The following KCNQ5 variants were observed in gnomAD, a reference collection of about 807,000 sequenced individuals.
KCNQ5 encodes potassium voltage-gated channel subfamily KQT member 5.
In KCNQ5, 30 loss-of-function variants were observed where a neutral mutation model predicts 98.2. The ratio of observed to expected loss-of-function variants is 0.31; its 90% CI spans 0.23 to 0.41. The LOEUF (loss-of-function observed/expected upper bound fraction) is 0.41. Among genes scored for constraint, KCNQ5 ranks in the 10% least tolerant of loss-of-function variants. The pLI, the probability that KCNQ5 is intolerant of heterozygous loss-of-function variation, is 1.00. For synonymous variants in KCNQ5, 458 were observed against 449.4 expected (o/e 1.02, Z -0.24); for missense variants, 835 against 1,182.5 (o/e 0.71, Z 4.31).
intron 1 of KCNQ5, among the ~76,000 whole-genome samples, chr6:72,786,519 T>C (rs961929640): frequency 6.6e-6 from 1 of 152,182 alleles, no homozygotes; most frequent in African/African-American, 2.4e-5. Context: ...AGCAGTCTCA[T>C]TGAGGAAAGG....
At chr6:72,824,548 G>A (rs553636757) in intron 1 of KCNQ5, among the ~76,000 whole-genome samples, 19 of 152,120 alleles carry the variant, frequency 1.2e-4, no homozygotes, top group Admixed American at 1.0e-3. Context: ...CTTTCAATTT[G>A]CACATGTACT....
At chr6:73,173,304 G>T (rs1778080606) in intron 11 of KCNQ5, among the ~76,000 whole-genome samples, 2 of 152,086 alleles carry the variant, frequency 1.3e-5, no homozygotes, top group Admixed American at 6.5e-5. Flanking sequence ...TAGTGATTCA[G>T]TTCAAACAAT....
At chr6:73,157,300 T>A (rs766764114) in intron 10 of KCNQ5, among the ~76,000 whole-genome samples, 1 of 151,900 alleles carries the variant, frequency 6.6e-6, no homozygotes, top group Non-Finnish European at 1.5e-5. Context: ...TGGGAGGCGT[T>A]GGAGAAAGGC....
At chr6:72,639,213 A>G (rs564957185) in intron 1 of KCNQ5, among the ~76,000 whole-genome samples, 3 of 152,352 alleles carry the variant, frequency 2.0e-5, no homozygotes, top group African/African-American at 7.2e-5. Context: ...CAAAAGGGAC[A>G]AAGAAGAGAA....
At chr6:72,848,036 G>T (rs978915185) in intron 1 of KCNQ5, among the ~76,000 whole-genome samples, 1 of 151,676 alleles carries the variant, frequency 6.6e-6, no homozygotes, top group African/African-American at 2.4e-5. Flanking sequence ...AACTCCCAAT[G>T]AAAAGCATCC....
intron 3 of KCNQ5, among the ~76,000 whole-genome samples, chr6:73,070,581 C>CA (rs1773258071): frequency 1.3e-5 from 2 of 152,278 alleles, no homozygotes; most frequent in South Asian, 4.1e-4. Context: ...CTGTTCCATG[C>CA]AGTTATTCAG....
intron 1 of KCNQ5, among the ~76,000 whole-genome samples, chr6:72,917,717 T>A (rs1780214597): frequency 2.0e-5 from 3 of 151,990 alleles, no homozygotes; most frequent in African/African-American, 7.2e-5. Flanking sequence ...GTGATCCGCC[T>A]GCCTCAGCCT....
At chr6:72,895,114 TA>T (rs71540357) in intron 1 of KCNQ5, among the ~76,000 whole-genome samples, 46,997 of 89,188 alleles carry the variant, frequency 0.53, 11,177 homozygotes, top group East Asian at 0.73. Flanking sequence ...CCATCTCTAC[TA>T]AAAAAAAAAA....
chr6:72,984,406 C>A (rs1009300109), intron 1 of KCNQ5, among the ~76,000 whole-genome samples: 5 of 152,170 alleles, frequency 3.3e-5, no homozygotes, highest in African/African-American at 1.2e-4. Context: ...CCTACTCAAG[C>A]CTCAGCAATG....
intron 2 of KCNQ5, among the ~76,000 whole-genome samples, chr6:73,007,735 A>G (rs1462999298): frequency 6.6e-6 from 1 of 152,170 alleles, no homozygotes; most frequent in East Asian, 1.9e-4. Context: ...TCCAAATATC[A>G]GAAATCTGAC....
chr6:73,044,137 G>T (rs905325273), intron 3 of KCNQ5, among the ~76,000 whole-genome samples: 1 of 152,104 alleles, frequency 6.6e-6, no homozygotes, highest in African/African-American at 2.4e-5. Flanking sequence ...AAAATTAGCT[G>T]GGCATGGTGG....
chr6:72,770,729 A>G (rs1223629782), intron 1 of KCNQ5, among the ~76,000 whole-genome samples: 1 of 152,146 alleles, frequency 6.6e-6, no homozygotes, highest in South Asian at 2.1e-4. Context: ...TAGTATTTGC[A>G]TGCGAATATC....
At chr6:72,917,971 T>A (rs1010707062) in intron 1 of KCNQ5, among the ~76,000 whole-genome samples, 1 of 152,178 alleles carries the variant, frequency 6.6e-6, no homozygotes, top group African/African-American at 2.4e-5. Context: ...TTTAGCAGCA[T>A]CCTTACTGTC....
In KCNQ5 at chr6:73,041,949, T is replaced by C; in HGVS notation, c.503T>C (p.Ile168Thr). Residue 168 changes from isoleucine to threonine, a missense_variant, in exon 3 of 14, where the codon ATT (isoleucine) becomes ACT (threonine). By Grantham distance (89) the Ile-to-Thr change is moderately conservative (BLOSUM62 -1). Transcript: ENST00000370398. ...CTGATATTTTAGGAGTTCGTGATGA[T>C]TGTCGTCTTTGGTTTGGAGTTCATC... ...SCLLILEFVM[I>T]VVFGLEFIIR... 1 of 1,613,908 alleles carries C rather than the reference T, an allele frequency of 6.2e-7. No homozygotes were observed. The highest frequency in any genetic ancestry group is 8.5e-7 in the Non-Finnish European group (1 of 1,179,784).
intron 1 of KCNQ5, among the ~76,000 whole-genome samples, chr6:72,951,316 G>A (rs1003124959): frequency 7.9e-5 from 12 of 151,854 alleles, no homozygotes; most frequent in Non-Finnish European, 1.5e-4. Flanking sequence ...TTGCTCTGTC[G>A]ACCAGGCTGG....
chr6:72,891,198 G>A (rs1012210093), intron 1 of KCNQ5, among the ~76,000 whole-genome samples: 1 of 152,122 alleles, frequency 6.6e-6, no homozygotes, highest in African/African-American at 2.4e-5. Flanking sequence ...TTCCTTGTTT[G>A]ACAGATTTAC....
At chr6:72,986,532 G>A (rs1768786327) in intron 1 of KCNQ5, 2 of 556,850 alleles carry the variant, frequency 3.6e-6, no homozygotes, top group Non-Finnish European at 6.5e-6. Flanking sequence ...CCATGGGAAG[G>A]CACCTGAGAT....
chr6:72,780,540 C>T (rs994256015), intron 1 of KCNQ5, among the ~76,000 whole-genome samples: 1 of 152,114 alleles, frequency 6.6e-6, no homozygotes, highest in Non-Finnish European at 1.5e-5. Flanking sequence ...GCATCCCAGA[C>T]TTGGGGACTG....
At chr6:72,739,152 C>T (rs186939955) in intron 1 of KCNQ5, among the ~76,000 whole-genome samples, 147 of 152,068 alleles carry the variant, frequency 9.7e-4, no homozygotes, top group African/African-American at 3.5e-3. Flanking sequence ...TGTGGAGCCA[C>T]CGGGTATATG....
Sources: gnomAD v4.1 joint callset for allele counts (sites outside exome capture counted in the v4.1 genomes callset) on GRCh38, gnomAD v4.1.1 for gene constraint, MANE v1.5 for transcripts, NCBI Gene and HGNC (gene_info 2026-07-23, HGNC 2026-07-21) for gene names.